DSG3: variants seen among roughly 807,000 people sequenced by gnomAD.
DSG3 encodes desmoglein-3.
DSG3 carries 63 observed loss-of-function variants against 85.9 expected under a neutral mutation model. The observed-to-expected ratio is 0.73, with a 90% CI of 0.60 to 0.90. The LOEUF is 0.90. Ranked by LOEUF, DSG3 falls within the 40% of genes least tolerant of loss-of-function variation. DSG3 has a pLI of 0.00. For missense variants in DSG3, 1,220 were observed against 1,219.9 expected (o/e 1.00, Z 0.00); for synonymous variants, 447 against 441.9 (o/e 1.01, Z -0.14).
At chr18:31,461,547 TA>T in intron 8 of DSG3, 135 bp downstream of exon 8, 1 of 858,706 alleles carries the variant, frequency 1.2e-6, no homozygotes, top group South Asian at 1.9e-5. Context: ...GAATTTTTTG[TA>T]ATCCCCATAG....
At chr18:31,455,214 A>G (rs67611221) in intron 1 of DSG3, among the ~76,000 whole-genome samples, 41,022 of 151,938 alleles carry the variant, frequency 0.27, 6,160 homozygotes, top group African/African-American at 0.41. Context: ...TATTACATAA[A>G]ACAGTAAGTA....
intron 12 of DSG3, among the ~76,000 whole-genome samples, chr18:31,469,986 T>C (rs1267664269): frequency 2.0e-5 from 3 of 152,148 alleles, no homozygotes; most frequent in Non-Finnish European, 4.4e-5. Context: ...TCACATTTAA[T>C]ATAACTAAGT....
At chr18:31,459,733 G>T in intron 5 of DSG3, 112 bp from the exon 6 acceptor site, 2 of 1,083,022 alleles carry the variant, frequency 1.8e-6, no homozygotes, top group East Asian at 2.6e-5. Context: ...ACATACAGAT[G>T]ATTTTAGGAT....
Position 31,476,280 on chromosome 18 carries a change from C to A in DSG3, c.*20C>A. On this transcript the variant is annotated 3_prime_UTR_variant, in exon 16 of 16. Coordinates refer to ENST00000257189, the MANE Select transcript of DSG3 (RefSeq NM_001944.3). ...ATATGACCAGAATGAGCTGGAATAC[C>A]ACACTGACCAAATCTGGATCTTTGG... 1.3e-6 allele frequency: 2 copies of A among 1,583,020 alleles called. No homozygotes were observed. The highest frequency in any genetic ancestry group is 1.7e-6 in the Non-Finnish European group (2 of 1,163,986).
intron 8 of DSG3, 23 bp downstream of exon 8, chr18:31,461,435 T>C (rs2072785732): frequency 1.3e-6 from 2 of 1,582,260 alleles, no homozygotes; most frequent in Non-Finnish European, 1.7e-6. Context: ...TTCCCTTCAT[T>C]GGTAAAAAAA....
chr18:31,460,708 G>A, intron 6 of DSG3, 125 bp from the exon 7 acceptor site: 1 of 856,718 alleles, frequency 1.2e-6, no homozygotes, highest in Non-Finnish European at 1.7e-6. Context: ...CAACCATCCA[G>A]AGTCCCACAA....
At position 31,458,642 on chromosome 18, in the gene DSG3, A is replaced by G; in HGVS notation, c.372+42A>G. On this transcript the variant is annotated intron_variant, in intron 4 of 15. Transcript: ENST00000257189. ...AACATTGGGCTACCCTTCTCCTTGTATACCATCGCTTTAGAAAGTGACAGT... is the reference window on the plus strand; with the variant it reads ...AACATTGGGCTACCCTTCTCCTTGTGTACCATCGCTTTAGAAAGTGACAGT... 2.5e-6 allele frequency: 4 copies of G among 1,580,072 alleles called. No homozygotes were observed. The South Asian group carries it at 3.5e-5, about 14-fold the overall frequency.
intron 8 of DSG3, among the ~76,000 whole-genome samples, chr18:31,462,074 T>C (rs2072789960): frequency 6.6e-6 from 1 of 151,756 alleles, no homozygotes; most frequent in Admixed American, 6.6e-5. Context: ...GTTTTTGTTT[T>C]TGTTTTTGTT....
rs112668809 is a variant in DSG3 at position 31,472,100 on chromosome 18, A to G, written c.1898-184A>G. On this transcript the variant is annotated intron_variant, in intron 12 of 15. Coordinates refer to ENST00000257189, the MANE Select transcript of DSG3 (RefSeq NM_001944.3). ...CTGTCTCCTTCAGTTTCATAATCAC[A>G]TGAAATTCTAGTGTGCTTACTGTAC... Among the ~76,000 whole-genome samples the G allele has an allele frequency of 4.4e-3, 677 of 152,368 alleles. 5 individuals are homozygous for G. The highest frequency in any genetic ancestry group is 0.015 in the African/African-American group (634 of 41,596).
chr18:31,460,179 A>G (rs2072775157), intron 6 of DSG3, among the ~76,000 whole-genome samples, 168 bp downstream of exon 6: 1 of 152,214 alleles, frequency 6.6e-6, no homozygotes, highest in African/African-American at 2.4e-5. Context: ...GATTCTGGTG[A>G]GGCGAGATGT....
Position 31,474,326 on chromosome 18 carries a change from GCA to G in DSG3, c.2308_2309del (p.His770PhefsTer7), listed in dbSNP as rs529183835. 2.2e-4 allele frequency: 361 copies of G among 1,614,180 alleles called. No individual in the cohort carries two copies. In the African/African-American group the frequency reaches 3.7e-3, roughly 17 times the overall value. On this transcript the variant is annotated frameshift_variant, in exon 15 of 16. Coordinates refer to ENST00000257189, the MANE Select transcript of DSG3 (RefSeq NM_001944.3). LOFTEE classifies it high-confidence loss of function. The part of the protein sequence containing the change: ...SGQSGTMRTR[H>X]STGGTNKDYA... ...GGCAGTCTGGAACCATGAGAACAAG[GCA>G]TTCCACTGGAGGAACCAATAAGGAC... is the stretch of plus-strand genomic sequence containing the variant.
At chr18:31,451,252 G>A (rs948745990) in intron 1 of DSG3, among the ~76,000 whole-genome samples, 5 of 152,064 alleles carry the variant, frequency 3.3e-5, no homozygotes, top group African/African-American at 9.7e-5. Flanking sequence ...CACCAAATCC[G>A]AAACAGTTTG....
chr18:31,459,320 G>T, intron 5 of DSG3, 143 bp downstream of exon 5: 3 of 799,796 alleles, frequency 3.8e-6, no homozygotes, highest in East Asian at 2.9e-5. Context: ...AGATAAATCT[G>T]GGTCTTCCTT....
chr18:31,458,910 G>A (rs2072766112), intron 4 of DSG3, 123 bp from the exon 5 acceptor site: 1 of 1,263,080 alleles, frequency 7.9e-7, no homozygotes, highest in Non-Finnish European at 1.1e-6. Flanking sequence ...TCTACCCTTT[G>A]GGGAAACATT....
intron 1 of DSG3, among the ~76,000 whole-genome samples, chr18:31,454,678 T>TTG (rs939584534): frequency 2.6e-5 from 4 of 151,906 alleles, no homozygotes; most frequent in African/African-American, 9.7e-5. Flanking sequence ...AGTTTGTTTT[T>TTG]TTTTTTTTTC....
chr18:31,470,566 A>G (rs1167690122), intron 12 of DSG3, among the ~76,000 whole-genome samples: 2 of 152,200 alleles, frequency 1.3e-5, no homozygotes, highest in Non-Finnish European at 2.9e-5. Context: ...AAGTACCTCT[A>G]TGTGAATCAC....
At chr18:31,456,929 A>T in intron 2 of DSG3, 64 bp from the exon 3 acceptor site, 1 of 1,546,292 alleles carries the variant, frequency 6.5e-7, no homozygotes, top group Non-Finnish European at 8.7e-7. Context: ...GGTGTCTGTA[A>T]TCAATATTCT....
Position 31,464,200 on chromosome 18 carries a change from C to T in DSG3, c.1089C>T (p.Tyr363=), listed in dbSNP as rs761910376. 2 of 1,614,106 alleles carry T rather than the reference C, an allele frequency of 1.2e-6. No homozygotes were observed. The highest frequency in any genetic ancestry group is 2.2e-5 in the East Asian group (1 of 44,868). ...AEFHQSVISR[Y]RVQSTPVTIQ... ...TTCACCAATCAGTTATCTCTCGATA[C>T]CGAGTTCAGTCAACCCCAGTCACAA... is the stretch of plus-strand genomic sequence containing the variant. The change falls in exon 9 of 16, where the codon TAC becomes TAT. Residue 363 remains tyrosine (Y), a synonymous_variant. Transcript: ENST00000257189.
chr18:31,467,421 G>A (rs2072829105), intron 11 of DSG3, among the ~76,000 whole-genome samples: 1 of 152,172 alleles, frequency 6.6e-6, no homozygotes. Flanking sequence ...TGTTCTGATG[G>A]AGCAGTCTAT....
Sources: allele counts gnomAD v4.1 joint callset (sites outside exome capture counted in the v4.1 genomes callset), GRCh38; gene constraint gnomAD v4.1.1; transcripts MANE v1.5; gene names NCBI Gene and HGNC (gene_info 2026-07-23, HGNC 2026-07-21).